KIAA1217: variants seen among roughly 807,000 people sequenced by gnomAD.
KIAA1217 encodes the protein sickle tail protein homolog.
KIAA1217 carries 88 observed loss-of-function variants against 163.9 expected under a neutral mutation model. The ratio of observed to expected loss-of-function variants is 0.54; its 90% CI spans 0.45 to 0.64. The LOEUF is 0.64. Among genes scored for constraint, KIAA1217 ranks in the 30% least tolerant of loss-of-function variants. KIAA1217 has a pLI of 0.00. For missense variants in KIAA1217, 2,372 were observed against 2,475.0 expected (o/e 0.96, Z 0.88); for synonymous variants, 903 against 923.1 (o/e 0.98, Z 0.39).
intron 2 of KIAA1217, among the ~76,000 whole-genome samples, chr10:24,028,170 G>A (rs146785092): frequency 7.2e-5 from 11 of 152,166 alleles, no homozygotes; most frequent in East Asian, 3.9e-4. Context: ...AGAGTCCCAC[G>A]AAAATGGAAT....
At chr10:24,363,575 T>TG (rs1159573130) in intron 2 of KIAA1217, among the ~76,000 whole-genome samples, 1 of 151,202 alleles carries the variant, frequency 6.6e-6, no homozygotes, top group Admixed American at 6.6e-5. Context: ...TTGTTTTTTT[T>TG]TTTTTTTGAA....
intron 2 of KIAA1217, among the ~76,000 whole-genome samples, chr10:24,008,672 C>T (rs937704146): frequency 1.3e-5 from 2 of 152,042 alleles, no homozygotes; most frequent in African/African-American, 4.8e-5. Flanking sequence ...CCCTGACTTC[C>T]CTTTGTAAGC....
At chr10:24,189,105 CAAA>C (rs1286478652) in intron 2 of KIAA1217, among the ~76,000 whole-genome samples, 1 of 65,094 alleles carries the variant, frequency 1.5e-5, no homozygotes. Flanking sequence ...GACTCTGTCT[CAAA>C]AAAAAAAAAA....
intron 1 of KIAA1217, among the ~76,000 whole-genome samples, chr10:23,795,362 C>T (rs1836149420): frequency 6.6e-6 from 1 of 152,030 alleles, no homozygotes. Context: ...GTCCACTTGC[C>T]CCGTGCACAG....
In KIAA1217 at chr10:24,501,467, C is replaced by T; in HGVS notation, c.1923C>T (p.Ala641=). Residue 641 remains alanine (A), a synonymous_variant, in exon 9 of 21, where the codon GCC becomes GCT. Coordinates refer to ENST00000376454, the MANE Select transcript of KIAA1217 (RefSeq NM_019590.5). ...PSQPPPVGTS[A]IHMSLLEMRR... is the part of the protein sequence containing the mutation. ...AGCCTCCACCTGTGGGCACCTCAGC[C>T]ATCCACATGAGCCTGCTTGAGATGA... The T allele has an allele frequency of 6.2e-7, 1 of 1,614,086 alleles. No individual in the cohort carries two copies. Among genetic ancestry groups the T allele is most frequent in the Non-Finnish European group, 8.5e-7 (1 of 1,179,998 alleles).
intron 2 of KIAA1217, among the ~76,000 whole-genome samples, chr10:24,267,161 T>C (rs1238709520): frequency 1.3e-5 from 2 of 152,208 alleles, no homozygotes; most frequent in African/African-American, 2.4e-5. Flanking sequence ...TTGAATTATT[T>C]ATAGCTTTGT....
chr10:24,166,048 A>G (rs1269149049), intron 2 of KIAA1217, among the ~76,000 whole-genome samples: 2 of 152,208 alleles, frequency 1.3e-5, no homozygotes, highest in African/African-American at 4.8e-5. Flanking sequence ...CAAGAGAGAA[A>G]AGGATTAAAA....
intron 1 of KIAA1217, among the ~76,000 whole-genome samples, chr10:23,995,747 C>T (rs543314408): frequency 3.3e-5 from 5 of 152,236 alleles, no homozygotes; most frequent in African/African-American, 1.2e-4. Flanking sequence ...GTGTTATGAA[C>T]CAGGTGCTGC....
intron 2 of KIAA1217, among the ~76,000 whole-genome samples, chr10:24,178,843 T>C (rs1398056554): frequency 6.6e-6 from 1 of 152,228 alleles, no homozygotes; most frequent in Non-Finnish European, 1.5e-5. Context: ...ATTTTTTTAA[T>C]GTTTCAGGGA....
At chr10:24,507,150 C>T (rs1304240438) in intron 9 of KIAA1217, among the ~76,000 whole-genome samples, 1 of 152,160 alleles carries the variant, frequency 6.6e-6, no homozygotes, top group Non-Finnish European at 1.5e-5. Flanking sequence ...TTGATTTAAC[C>T]TAACTGCTTA....
chr10:23,717,263 C>T (rs748264462), intron 1 of KIAA1217, among the ~76,000 whole-genome samples: 4 of 152,064 alleles, frequency 2.6e-5, no homozygotes, highest in African/African-American at 9.6e-5. Context: ...GGTTGAATTC[C>T]GCTTTTAGAT....
At chr10:24,180,329 C>T (rs1413064841) in intron 2 of KIAA1217, among the ~76,000 whole-genome samples, 1 of 144,356 alleles carries the variant, frequency 6.9e-6, no homozygotes, top group East Asian at 2.0e-4. Context: ...CTCTGTCACC[C>T]AGGCTAGAGT....
At chr10:23,771,721 G>A (rs941178875) in intron 1 of KIAA1217, among the ~76,000 whole-genome samples, 3 of 152,118 alleles carry the variant, frequency 2.0e-5, no homozygotes, top group Admixed American at 6.6e-5. Context: ...AGAACATGAG[G>A]GATTGCATGT....
chr10:24,544,026 A>T lies in KIAA1217; in HGVS notation c.4756A>T (p.Thr1586Ser). The T allele has an allele frequency of 6.2e-7, 1 of 1,614,128 alleles. No homozygotes were observed. The highest frequency in any genetic ancestry group is 1.3e-5 in the African/African-American group (1 of 75,056). ...CCCTAAGAAGCAACTCGCCGCTCTCACTCAAGCCATTCGCACCGGAACTAA... is the reference window on the plus strand; with the variant it reads ...CCCTAAGAAGCAACTCGCCGCTCTCTCTCAAGCCATTCGCACCGGAACTAA... ...KFPKKQLAAL[T>S]QAIRTGTKTG... The change falls in exon 19 of 21, where the codon ACT (threonine) becomes TCT (serine). Residue 1586 changes from threonine (T) to serine (S), a missense_variant. Thr to Ser is a moderately conservative substitution (Grantham distance 58, BLOSUM62 1). Around this residue, in one of 3 missense-constraint regions of KIAA1217, gnomAD observed 690 missense variants for 677.5 expected, o/e 1.02. Coordinates refer to ENST00000376454, the MANE Select transcript of KIAA1217 (RefSeq NM_019590.5).
chr10:24,525,188 C>G (rs1351148762), intron 13 of KIAA1217, among the ~76,000 whole-genome samples: 1 of 152,128 alleles, frequency 6.6e-6, no homozygotes, highest in Non-Finnish European at 1.5e-5. Context: ...CATGACACCA[C>G]TACTGCTGAA....
chr10:24,134,121 G>C (rs373361449), intron 2 of KIAA1217, among the ~76,000 whole-genome samples: 102 of 152,328 alleles, frequency 6.7e-4, no homozygotes, highest in Middle Eastern at 3.4e-3. Flanking sequence ...TCTAGCTAGA[G>C]TACAAGGGTG....
intron 5 of KIAA1217, among the ~76,000 whole-genome samples, chr10:24,441,741 G>A (rs1268968158): frequency 1.3e-5 from 2 of 152,120 alleles, no homozygotes; most frequent in Non-Finnish European, 2.9e-5. Context: ...TGATAATTCA[G>A]TTCCCAAGGG....
At chr10:24,358,645 G>T (rs1450664410) in intron 2 of KIAA1217, among the ~76,000 whole-genome samples, 2 of 152,260 alleles carry the variant, frequency 1.3e-5, no homozygotes, top group Admixed American at 6.5e-5. Flanking sequence ...TGACTGTGCT[G>T]TGGCATGGGT....
intron 3 of KIAA1217, among the ~76,000 whole-genome samples, chr10:24,389,348 CAAT>C (rs1246767626): frequency 5.3e-5 from 8 of 151,428 alleles, no homozygotes; most frequent in Non-Finnish European, 7.4e-5. Flanking sequence ...GGGAATTGAA[CAAT>C]GAGAACACTT....
Sources: gnomAD v4.1 joint callset for allele counts (sites outside exome capture counted in the v4.1 genomes callset) on GRCh38, gnomAD v4.1.1 for gene constraint, gnomAD v4.1.1 regional missense constraint, MANE v1.5 for transcripts, NCBI Gene and HGNC (gene_info 2026-07-23, HGNC 2026-07-21) for gene names.